ZBTB49: variants seen among roughly 807,000 people sequenced by gnomAD.
ZBTB49 encodes the protein zinc finger and BTB domain-containing protein 49.
In ZBTB49, 43 loss-of-function variants were observed where a neutral mutation model predicts 57.5. That is an observed-to-expected ratio of 0.75 (90% confidence interval 0.59 to 0.97). The LOEUF (loss-of-function observed/expected upper bound fraction) is 0.97, where lower values mean the gene tolerates loss of function less well. ZBTB49 is among the 50% of genes least tolerant of loss of function. The pLI, the probability that ZBTB49 is intolerant of heterozygous loss-of-function variation, is 0.00. For synonymous variants in ZBTB49, 369 were observed against 362.1 expected (o/e 1.02, Z -0.22); for missense variants, 938 against 947.7 (o/e 0.99, Z 0.13).
At chr4:4,306,538 G>C (rs369351329) in intron 4 of ZBTB49, among the ~76,000 whole-genome samples, 3 of 152,174 alleles carry the variant, frequency 2.0e-5, no homozygotes, top group African/African-American at 7.2e-5. Flanking sequence ...AGACAACTAG[G>C]TCTCCTCATT....
At chr4:4,317,572 C>T (rs1221395369) in intron 7 of ZBTB49, among the ~76,000 whole-genome samples, 2 of 152,182 alleles carry the variant, frequency 1.3e-5, no homozygotes, top group African/African-American at 4.8e-5. Context: ...TGCATGGACT[C>T]ATACAACACG....
chr4:4,320,923 C>A lies in ZBTB49; in HGVS notation c.1905C>A (p.His635Gln). The A allele has an allele frequency of 6.2e-7, 1 of 1,614,200 alleles. No homozygotes were observed. The highest frequency in any genetic ancestry group is 1.1e-5 in the South Asian group (1 of 91,082). Residue 635 changes from histidine (H) to glutamine (Q), a missense_variant, in exon 8 of 8, where the codon CAC becomes CAA. His to Gln is a conservative substitution (Grantham distance 24). This residue lies in a region of ZBTB49 where 835 missense variants were observed against 819.1 expected (regional missense o/e 1.02). Transcript: ENST00000337872. ...LMPVSVKLPV[H>Q]PVENSVAEFD... The stretch of plus-strand genomic sequence containing the variant: ...CAGTGTCGGTTAAACTCCCTGTCCA[C>A]CCAGTGGAAAATTCTGTGGCAGAAT...
chr4:4,300,992 A>G (rs938439280), intron 2 of ZBTB49, among the ~76,000 whole-genome samples: 2 of 152,092 alleles, frequency 1.3e-5, no homozygotes, highest in African/African-American at 4.8e-5. Flanking sequence ...AGTCTCAGTT[A>G]TTGTATAGAC....
At position 4,303,019 on chromosome 4, in the gene ZBTB49, T is replaced by C. The variant is rs752436347; in HGVS notation, c.1183T>C (p.Tyr395His). Residue 395 changes from tyrosine (Y) to histidine (H), a missense_variant, in exon 3 of 8, where the codon TAC (tyrosine) becomes CAC (histidine). Transcript: ENST00000337872. ...QSQTLQSQRQ[Y>H]ACELCGKPFK... is the part of the protein sequence containing the mutation. ...CCAGACACTTCAGTCCCAGAGACAA[T>C]ACGCGTGTGAATTATGCGGGAAACC... 1.2e-6 allele frequency: 2 copies of C among 1,614,018 alleles called. No homozygotes were observed. The highest frequency in any genetic ancestry group is 1.7e-6 in the Non-Finnish European group (2 of 1,180,014).
rs538172992 is a variant in ZBTB49 at position 4,306,190 on chromosome 4, A to G, written c.1302+6A>G. The G allele has an allele frequency of 5.6e-6, 9 of 1,611,422 alleles. No homozygotes were observed. The South Asian group carries it at 9.9e-5, about 18-fold the overall frequency. On this transcript the variant is annotated splice_donor_region_variant and intron_variant, in intron 4 of 7. Transcript: ENST00000337872. ...GTGGGAAACATTTCTCTCAGGTGGGAATACTCTTATTTATTGTTAATAATT... is the reference window on the plus strand; with the variant it reads ...GTGGGAAACATTTCTCTCAGGTGGGGATACTCTTATTTATTGTTAATAATT...
chr4:4,309,593 G>A (rs1229752147), intron 4 of ZBTB49, among the ~76,000 whole-genome samples: 2 of 152,226 alleles, frequency 1.3e-5, no homozygotes, highest in South Asian at 4.1e-4. Flanking sequence ...CAGAGAGACG[G>A]GTTTTGAGAG....
chr4:4,319,374 T>A (rs187249482), intron 7 of ZBTB49, among the ~76,000 whole-genome samples: 1 of 152,242 alleles, frequency 6.6e-6, no homozygotes, highest in Non-Finnish European at 1.5e-5. Flanking sequence ...GTTGTGCAGC[T>A]CATTCTTGGC....
intron 1 of ZBTB49, among the ~76,000 whole-genome samples, chr4:4,292,112 C>T (rs1220274941): frequency 1.3e-5 from 2 of 152,066 alleles, no homozygotes; most frequent in Admixed American, 6.5e-5. Context: ...CACCCCTCGT[C>T]CTTACTAAAA....
intron 1 of ZBTB49, among the ~76,000 whole-genome samples, chr4:4,296,249 T>A (rs1560104502): frequency 6.6e-6 from 1 of 152,204 alleles, no homozygotes; most frequent in Non-Finnish European, 1.5e-5. Flanking sequence ...AAAGTCACTG[T>A]CGGGAAAGTC....
At chr4:4,316,932 G>A (rs910216030) in intron 7 of ZBTB49, among the ~76,000 whole-genome samples, 1 of 152,198 alleles carries the variant, frequency 6.6e-6, no homozygotes, top group African/African-American at 2.4e-5. Flanking sequence ...TAGCTACTTG[G>A]GAGGTTGAAG....
intron 3 of ZBTB49, 108 bp downstream of exon 3, chr4:4,303,199 T>G (rs1441636363): frequency 7.5e-7 from 1 of 1,327,264 alleles, no homozygotes; most frequent in East Asian, 2.5e-5. Context: ...TTTGATGTCA[T>G]TGATGATTTT....
At chr4:4,303,221 G>A in intron 3 of ZBTB49, 130 bp downstream of exon 3, 1 of 1,130,486 alleles carries the variant, frequency 8.8e-7, no homozygotes, top group South Asian at 2.8e-5. Context: ...AACAAAATAA[G>A]GGGGATTAAC....
At chr4:4,299,358 A>G (rs1315169962) in intron 1 of ZBTB49, among the ~76,000 whole-genome samples, 1 of 150,918 alleles carries the variant, frequency 6.6e-6, no homozygotes, top group African/African-American at 2.4e-5. Flanking sequence ...TGGTGATGTT[A>G]GGTATTTTGA....
chr4:4,321,431 T>A lies in ZBTB49; in HGVS notation c.*115T>A. 1 of 1,085,518 alleles carries A rather than the reference T, an allele frequency of 9.2e-7. No homozygotes were observed. The highest frequency in any genetic ancestry group is 1.3e-6 in the Non-Finnish European group (1 of 754,438). The allele number at this position is 1,085,518 out of a possible 1,614,324, so 67.2% of individuals were successfully genotyped here. On this transcript the variant is annotated 3_prime_UTR_variant, in exon 8 of 8. Coordinates refer to ENST00000337872, the MANE Select transcript of ZBTB49 (RefSeq NM_145291.4). ...GCCTTCTAACTAGCCAGAGAATAGG[T>A]AGCTTCCCTCCTGATGATGGCTCAT...
At chr4:4,309,883 C>T (rs1235961134) in intron 4 of ZBTB49, among the ~76,000 whole-genome samples, 1 of 152,248 alleles carries the variant, frequency 6.6e-6, no homozygotes, top group Non-Finnish European at 1.5e-5. Flanking sequence ...TAAGTGATAT[C>T]TCTATGTTAA....
In ZBTB49 at chr4:4,315,862, A is replaced by G; in HGVS notation, c.1513A>G (p.Lys505Glu). The G allele has an allele frequency of 2.5e-6, 4 of 1,614,236 alleles. No individual in the cohort carries two copies. Among genetic ancestry groups the G allele is most frequent in the Non-Finnish European group, 3.4e-6 (4 of 1,180,038 alleles). ...GCACAAAAAGACACACACGGCTGAT[A>G]AAGTCTTCACCTGTGATGAGTGTGG... Reference protein sequence around the residue: ...KEHKKTHTADKVFTCDECGKS... With the variant: ...KEHKKTHTADEVFTCDECGKS... The change falls in exon 7 of 8, where the codon AAA becomes GAA. Residue 505 changes from lysine to glutamate, a missense_variant. Physicochemically the swap from Lys to Glu is moderately conservative, Grantham distance 56. Transcript: ENST00000337872.
rs1358187224 is a variant in ZBTB49 at position 4,302,372 on chromosome 4, C to T, written c.536C>T (p.Pro179Leu). ...GATGAATCGCATCCGCATGCTTCAC[C>T]ATCAGTTAATCGTCATCACTCCGCA... Reference protein sequence around the residue: ...TLDESHPHASPSVNRHHSAGE... With the variant: ...TLDESHPHASLSVNRHHSAGE... The change falls in exon 3 of 8, where the codon CCA (proline) becomes CTA (leucine). Residue 179 changes from proline (P) to leucine (L), a missense_variant. Pro to Leu is a moderately conservative substitution (Grantham distance 98). This residue lies in a region of ZBTB49 where 835 missense variants were observed against 819.1 expected (regional missense o/e 1.02). Coordinates refer to ENST00000337872, the MANE Select transcript of ZBTB49 (RefSeq NM_145291.4). 1.9e-6 allele frequency: 3 copies of T among 1,614,204 alleles called. No individual in the cohort carries two copies. The highest frequency in any genetic ancestry group is 3.3e-5 in the Admixed American group (2 of 60,028).
At chr4:4,307,528 A>G (rs1720790782) in intron 4 of ZBTB49, among the ~76,000 whole-genome samples, 1 of 152,172 alleles carries the variant, frequency 6.6e-6, no homozygotes, top group African/African-American at 2.4e-5. Flanking sequence ...GAGTGTGAGG[A>G]GTAAATGAGG....
At chr4:4,303,232 T>A in intron 3 of ZBTB49, 141 bp downstream of exon 3, 1 of 1,019,218 alleles carries the variant, frequency 9.8e-7, no homozygotes, top group Non-Finnish European at 1.3e-6. Context: ...GGGGATTAAC[T>A]ACTTTTTGTT....
Sources: allele counts gnomAD v4.1 joint callset (sites outside exome capture counted in the v4.1 genomes callset), GRCh38; gene constraint gnomAD v4.1.1; regional missense constraint gnomAD v4.1.1; transcripts MANE v1.5; gene names NCBI Gene and HGNC (gene_info 2026-07-23, HGNC 2026-07-21).